Variants in ATN1 observed in about 807,000 individuals in gnomAD.
ATN1 encodes the protein atrophin 1, also known as atrophin-1.
Under a neutral mutation model 85.8 loss-of-function variants are expected in ATN1, and 19 were observed. The ratio of observed to expected loss-of-function variants is 0.22; its 90% CI spans 0.15 to 0.32. ATN1 has a LOEUF of 0.32. Ranked by LOEUF, ATN1 falls within the 10% of genes least tolerant of loss-of-function variation. The pLI, the probability that ATN1 is intolerant of heterozygous loss-of-function variation, is 1.00. For synonymous variants in ATN1, 674 were observed against 657.0 expected (o/e 1.03, Z -0.39); for missense variants, 1,453 against 1,564.5 (o/e 0.93, Z 1.20).
rs782520526 is a variant in ATN1, at chr12:6,936,966, C to T, written c.1699C>T (p.Pro567Ser). 2.0e-5 allele frequency: 33 copies of T among 1,613,724 alleles called. No individual in the cohort carries two copies. The highest frequency in any genetic ancestry group is 1.1e-5 in the Non-Finnish European group (13 of 1,179,898). Residue 567 changes from proline (P) to serine (S), a missense_variant, in exon 5 of 10, where the codon CCA becomes TCA. This residue lies in a region of ATN1 where 990 missense variants were observed against 914.8 expected (regional missense o/e 1.08). Transcript: ENST00000396684. ...CAGCCAAGCAGGCCCCAATGGCCCT[C>T]CAGTCTCTTCCTCTTCCAACTCTTC... ...SYSQAGPNGP[P>S]VSSSSNSSSS...
chr12:6,938,434 C>T, intron 6 of ATN1, 47 bp from the exon 7 acceptor site: 1 of 1,553,108 alleles, frequency 6.4e-7, no homozygotes, highest in Non-Finnish European at 8.7e-7. Context: ...CCAGCCACCT[C>T]TTTTCATAAC....
chr12:6,927,753 C>T (rs1176375669), upstream of ATN1, among the ~76,000 whole-genome samples: 1 of 151,800 alleles, frequency 6.6e-6, no homozygotes, highest in Non-Finnish European at 1.5e-5. Context: ...TCTCCCTCTT[C>T]CTCCCTTCTC....
In ATN1 at chr12:6,938,759, G is replaced by A; in HGVS notation, c.2796G>A (p.Glu932=). Residue 932 remains glutamate (E), a synonymous_variant, in exon 7 of 10, where the codon GAG becomes GAA. Coordinates refer to ENST00000396684, the MANE Select transcript of ATN1 (RefSeq NM_001940.4). ...ALYSSDPAAR[E]REREARERDL... is the part of the protein sequence containing the mutation. ...ACAGCAGTGATCCAGCTGCCCGGGA[G>A]AGGGAACGGGAAGCCCGTGAACGAG... 1.2e-6 allele frequency: 2 copies of A among 1,614,064 alleles called. No homozygotes were observed. Among genetic ancestry groups the A allele is most frequent in the South Asian group, 1.1e-5 (1 of 91,086 alleles).
At position 6,934,843 on chromosome 12, in the gene ATN1, A is replaced by G. The variant is rs782175114; in HGVS notation, c.279+265A>G. Among the ~76,000 whole-genome samples the G allele has an allele frequency of 1.3e-5, 2 of 152,182 alleles. No homozygotes were observed. The highest frequency in any genetic ancestry group is 2.9e-5 in the Non-Finnish European group (2 of 68,030). On this transcript the variant is annotated intron_variant, in intron 4 of 9. Coordinates refer to ENST00000396684, the MANE Select transcript of ATN1 (RefSeq NM_001940.4). The surrounding 1 kb of genome is among the most constrained non-coding windows in gnomAD (Gnocchi z 4.5). ...GTGAGAAGTCTTAGTCGGAGGAACA[A>G]ATAAATCTTAAGGAAAATGCAGAAG...
chr12:6,925,300 C>G (rs191962593), upstream of ATN1, among the ~76,000 whole-genome samples: 39 of 152,226 alleles, frequency 2.6e-4, no homozygotes, highest in East Asian at 7.3e-3. Flanking sequence ...CATTGTAGCC[C>G]ATTCCTTAGT....
chr12:6,927,278 C>G (rs1555142667), upstream of ATN1, among the ~76,000 whole-genome samples: 2 of 151,988 alleles, frequency 1.3e-5, no homozygotes, highest in African/African-American at 4.8e-5. Context: ...ATCCCATTCT[C>G]TCTGATAATA....
chr12:6,934,815 T>C lies in ATN1; in HGVS notation c.279+237T>C, dbSNP rs1440025790. Among the ~76,000 whole-genome samples, 1 of 152,216 alleles carries C rather than the reference T, an allele frequency of 6.6e-6. No individual in the cohort carries two copies. Among genetic ancestry groups the C allele is most frequent in the Non-Finnish European group, 1.5e-5 (1 of 68,046 alleles). On this transcript the variant is annotated intron_variant, in intron 4 of 9. Transcript: ENST00000396684. This position sits in a 1 kb window ranked among gnomAD's most constrained non-coding sequence, Gnocchi z 4.5. The stretch of plus-strand genomic sequence containing the variant: ...AGAAGAGTTGGGGGATTCTAGTCTC[T>C]GGGTGAGAAGTCTTAGTCGGAGGAA...
Position 6,942,155 on chromosome 12 carries a change from A to C in ATN1, c.*375A>C, listed in dbSNP as rs1591669152. ...GCTGTTTTGCGTAGCATCGTGTGCC[A>C]CCCCTGCCCCTCCCCGATCCCTGTG... On this transcript the variant is annotated 3_prime_UTR_variant, in exon 10 of 10. Coordinates refer to ENST00000396684, the MANE Select transcript of ATN1 (RefSeq NM_001940.4). 2 of 273,604 alleles carry C rather than the reference A, an allele frequency of 7.3e-6. No individual in the cohort carries two copies. Among genetic ancestry groups the C allele is most frequent in the Non-Finnish European group, 7.0e-6 (1 of 143,016 alleles). 16.9% of individuals were successfully genotyped at this position (273,604 alleles called of 1,614,324 possible).
rs1555144606 is a variant in ATN1, at chr12:6,941,359, C to G, written c.3359-15C>G. 6.3e-7 allele frequency: 1 copy of G among 1,584,052 alleles called. No homozygotes were observed. Among genetic ancestry groups the G allele is most frequent in the Non-Finnish European group, 8.6e-7 (1 of 1,165,194 alleles). On this transcript the variant is annotated splice_polypyrimidine_tract_variant and intron_variant, in intron 8 of 9. Coordinates refer to ENST00000396684, the MANE Select transcript of ATN1 (RefSeq NM_001940.4). This position sits in a 1 kb window ranked among gnomAD's most constrained non-coding sequence, Gnocchi z 5.9. ...TATCCGTTGGTCATATGCCCCTTGCCCTTCCTGCTCACAGCTGCCCCTTAC... is the reference window on the plus strand; with the variant it reads ...TATCCGTTGGTCATATGCCCCTTGCGCTTCCTGCTCACAGCTGCCCCTTAC...
intron 7 of ATN1, among the ~76,000 whole-genome samples, chr12:6,939,955 C>T (rs940905852): frequency 2.0e-5 from 3 of 152,198 alleles, no homozygotes; most frequent in African/African-American, 7.2e-5. Context: ...GTGTCATAGG[C>T]GATAATGAGC....
Position 6,934,580 on chromosome 12 carries a change from T to TG in ATN1, c.279+5dup. The TG allele has an allele frequency of 6.4e-7, 1 of 1,551,818 alleles. No homozygotes were observed. The highest frequency in any genetic ancestry group is 8.7e-7 in the Non-Finnish European group (1 of 1,145,680). On this transcript the variant is annotated splice_region_variant and intron_variant, in intron 4 of 9. Coordinates refer to ENST00000396684, the MANE Select transcript of ATN1 (RefSeq NM_001940.4). This position sits in a 1 kb window ranked among gnomAD's most constrained non-coding sequence, Gnocchi z 4.5. The stretch of plus-strand genomic sequence containing the variant: ...GCACCAAAAAAGACCAAAACTGAGG[T>TG]GGGAAACCCTTGTCGCCATCCTGAC...
At chr12:6,928,606 T>C (rs1945426389) in intron 1 of ATN1, among the ~76,000 whole-genome samples, 1 of 152,024 alleles carries the variant, frequency 6.6e-6, no homozygotes, top group Non-Finnish European at 1.5e-5. Flanking sequence ...GGCCAGGGTT[T>C]CGGGAGGATC....
In ATN1 at chr12:6,938,913, C is replaced by T; in HGVS notation, c.2950C>T (p.Pro984Ser). The T allele has an allele frequency of 6.2e-7, 1 of 1,614,100 alleles. No homozygotes were observed. Among genetic ancestry groups the T allele is most frequent in the Non-Finnish European group, 8.5e-7 (1 of 1,180,018 alleles). ...HGGLALQPGP[P>S]GLHPFPFHPS... ...GGGCCTGGCTCTGCAGCCTGGCCCA[C>T]CTGGCCTGCACCCTTTCCCCTTTCA... The change falls in exon 7 of 10, where the codon CCT becomes TCT. Residue 984 changes from proline to serine, a missense_variant. Transcript: ENST00000396684.
chr12:6,936,713 CCACCAGCAACAGCAA>C lies in ATN1; in HGVS notation c.1449_1463del (p.His483_Gln487del), dbSNP rs1565566472. On this transcript the variant is annotated inframe_deletion, in exon 5 of 10. Coordinates refer to ENST00000396684, the MANE Select transcript of ATN1 (RefSeq NM_001940.4). ...CACCAGTCTCAACACATCACCATCA[CCACCAGCAACAGCAA>C]CAGCAGCAGCAGCAGCAGCAGCAGC... 6.3e-7 allele frequency: 1 copy of C among 1,598,486 alleles called. No homozygotes were observed. The highest frequency in any genetic ancestry group is 1.7e-5 in the Admixed American group (1 of 58,862).
In ATN1 at chr12:6,936,604, C is replaced by T. The variant is rs1945537252; in HGVS notation, c.1337C>T (p.Pro446Leu). 4.3e-6 allele frequency: 7 copies of T among 1,611,956 alleles called. No homozygotes were observed. The highest frequency in any genetic ancestry group is 4.5e-5 in the East Asian group (2 of 44,816). Reference sequence around the variant, plus strand: ...TGGAGCCAGGGTCCCCCACCACCTCCTCCCTATGGCCGCCTCTTAGCCAAC... The same window carrying T: ...TGGAGCCAGGGTCCCCCACCACCTCTTCCCTATGGCCGCCTCTTAGCCAAC... ...AVWSQGPPPP[P>L]PYGRLLANSN... The change falls in exon 5 of 10, where the codon CCT becomes CTT. Residue 446 changes from proline to leucine, a missense_variant. By Grantham distance (98) the Pro-to-Leu change is moderately conservative. Transcript: ENST00000396684.
intron 1 of ATN1, among the ~76,000 whole-genome samples, chr12:6,930,668 C>T (rs1437251624): frequency 1.3e-5 from 2 of 151,982 alleles, no homozygotes; most frequent in Admixed American, 6.6e-5. Flanking sequence ...TGGTGGCGGG[C>T]GCCTGTAGTC....
At position 6,937,494 on chromosome 12, in the gene ATN1, C is replaced by T; in HGVS notation, c.2227C>T (p.Pro743Ser). ...TGAGACCCCCGAGAGCCCGGTGCCC[C>T]CAGCCCGCAGCCCCTCGCCCCCTCC... ...EYETPESPVP[P>S]ARSPSPPPKV... Residue 743 changes from proline to serine, a missense_variant, in exon 5 of 10, where the codon CCA (proline) becomes TCA (serine). Around this residue, in one of 6 missense-constraint regions of ATN1, gnomAD observed 990 missense variants for 914.8 expected, o/e 1.08. Coordinates refer to ENST00000396684, the MANE Select transcript of ATN1 (RefSeq NM_001940.4). This position sits in a 1 kb window ranked among gnomAD's most constrained non-coding sequence, Gnocchi z 6.0. 1.3e-6 allele frequency: 2 copies of T among 1,545,248 alleles called. No homozygotes were observed. Among genetic ancestry groups the T allele is most frequent in the Non-Finnish European group, 1.7e-6 (2 of 1,146,916 alleles).
At position 6,941,717 on chromosome 12, in the gene ATN1, C is replaced by T; in HGVS notation, c.3540-30C>T. The T allele has an allele frequency of 1.9e-6, 3 of 1,613,090 alleles. No individual in the cohort carries two copies. Among genetic ancestry groups the T allele is most frequent in the Non-Finnish European group, 1.7e-6 (2 of 1,179,058 alleles). On this transcript the variant is annotated intron_variant, in intron 9 of 9. Coordinates refer to ENST00000396684, the MANE Select transcript of ATN1 (RefSeq NM_001940.4). This position sits in a 1 kb window ranked among gnomAD's most constrained non-coding sequence, Gnocchi z 5.9. ...GTCAGAGTTGGTCTCAAGTCTCTTA[C>T]CTCTCTGCTATGCACTGCCCCTTCC...
chr12:6,935,990 C>T lies in ATN1; in HGVS notation c.723C>T (p.Ala241=), dbSNP rs1555143526. Residue 241 remains alanine, a synonymous_variant, in exon 5 of 10, where the codon GCC becomes GCT. Transcript: ENST00000396684. The surrounding 1 kb of genome is among the most constrained non-coding windows in gnomAD (Gnocchi z 5.3). The part of the protein sequence containing the change: ...PPMGPKGGGA[A]SSVGGPNGGK... ...TGGGTCCCAAGGGGGGAGGGGCTGC[C>T]TCATCAGTGGGGGGCCCTAATGGGG... The T allele has an allele frequency of 6.3e-7, 1 of 1,587,914 alleles. No individual in the cohort carries two copies. Among genetic ancestry groups the T allele is most frequent in the Non-Finnish European group, 8.6e-7 (1 of 1,166,954 alleles).
Sources: gnomAD v4.1 joint callset for allele counts (sites outside exome capture counted in the v4.1 genomes callset) on GRCh38, gnomAD v4.1.1 for gene constraint, gnomAD v4.1.1 regional missense constraint, Gnocchi (gnomAD v3.1) non-coding constraint, MANE v1.5 for transcripts, NCBI Gene and HGNC (gene_info 2026-07-23, HGNC 2026-07-21) for gene names.